SPIRE1: variants seen among roughly 807,000 people sequenced by gnomAD.
SPIRE1 encodes the protein spire type actin nucleation factor 1.
SPIRE1 carries 40 observed loss-of-function variants against 94.1 expected under a neutral mutation model. The ratio of observed to expected loss-of-function variants is 0.43; its 90% CI spans 0.33 to 0.55. The LOEUF is 0.55. Ranked by LOEUF, SPIRE1 falls within the 20% of genes least tolerant of loss-of-function variation. The probability of loss-of-function intolerance (pLI) is 0.06; values close to 1 mark genes in which losing one functional copy is unlikely to be tolerated. For synonymous variants in SPIRE1, 376 were observed against 371.7 expected, an observed-to-expected ratio of 1.01 and a Z score of -0.13; for missense variants, 838 against 975.2, an observed-to-expected ratio of 0.86 and a Z score of 1.87.
At chr18:12,643,740 T>C (rs1044246634) in intron 1 of SPIRE1, among the ~76,000 whole-genome samples, 3 of 152,210 alleles carry the variant, frequency 2.0e-5, no homozygotes, top group Admixed American at 6.5e-5. Flanking sequence ...TAACCTTTAC[T>C]ATAAACATTT....
chr18:12,601,138 T>C (rs2144638626), intron 2 of SPIRE1, among the ~76,000 whole-genome samples: 1 of 151,994 alleles, frequency 6.6e-6, no homozygotes, highest in African/African-American at 2.4e-5. Context: ...ACTGCTTTAT[T>C]GGCTGGGTGC....
Position 12,458,677 on chromosome 18 carries a change from T to C in SPIRE1, c.1639-4194A>G, listed in dbSNP as rs377353856. On this transcript the variant is annotated intron_variant, in intron 12 of 16. Transcript: ENST00000409402. ...TCCTTTCTTTGCCTAAAGTGGTATA[T>C]GGCCTTAGTGTTCAGATATCTCTGT... is the stretch of plus-strand genomic sequence containing the variant. Among the ~76,000 whole-genome samples the C allele has an allele frequency of 3.3e-5, 5 of 152,282 alleles. No homozygotes were observed. In the South Asian group the frequency reaches 6.2e-4, roughly 19 times the overall value.
At chr18:12,621,855 A>G (rs1487578222) in intron 2 of SPIRE1, among the ~76,000 whole-genome samples, 2 of 152,188 alleles carry the variant, frequency 1.3e-5, no homozygotes, top group African/African-American at 4.8e-5. Flanking sequence ...TAAAAAAATT[A>G]TTTTTAAAAA....
chr18:12,626,867 AAT>A (rs1555634098), intron 2 of SPIRE1, among the ~76,000 whole-genome samples: 42 of 110,456 alleles, frequency 3.8e-4, no homozygotes, highest in African/African-American at 1.2e-3. Context: ...TAAGCTGTAA[AAT>A]ATATATATAT....
At chr18:12,585,982 G>A (rs1023466379) in intron 2 of SPIRE1, among the ~76,000 whole-genome samples, 1 of 152,122 alleles carries the variant, frequency 6.6e-6, no homozygotes, top group Non-Finnish European at 1.5e-5. Context: ...ACAGGGTCTT[G>A]CTCTGTCACC....
rs771441153 is a variant in SPIRE1 at position 12,449,779 on chromosome 18, C to A, written c.2130G>T (p.Ser710=). The A allele has an allele frequency of 1.9e-6, 3 of 1,614,126 alleles. No individual in the cohort carries two copies. Among genetic ancestry groups the A allele is most frequent in the Middle Eastern group, 1.6e-4 (1 of 6,062 alleles). ...TGCGCCGGCTTGAACTGATGATTTC[C>A]GAAATGAACTTCTTGCAGTCCACAC... The part of the protein sequence containing the change: ...EVCVDCKKFI[S]EIISSSRRSL... Residue 710 remains serine, a synonymous_variant, in exon 17 of 17, where the codon TCG becomes TCT. Coordinates refer to ENST00000409402, the MANE Select transcript of SPIRE1 (RefSeq NM_001128626.2).
intron 2 of SPIRE1, among the ~76,000 whole-genome samples, chr18:12,607,538 G>C (rs1833920371): frequency 2.7e-5 from 4 of 150,778 alleles, no homozygotes; most frequent in African/African-American, 9.8e-5. Flanking sequence ...AGTCATTCAT[G>C]ACTAATAAGA....
chr18:12,637,829 A>G (rs2144834378), intron 1 of SPIRE1, among the ~76,000 whole-genome samples: 1 of 152,368 alleles, frequency 6.6e-6, no homozygotes, highest in South Asian at 2.1e-4. Context: ...GCTTAAAAAC[A>G]ATGATAGAGG....
At chr18:12,464,466 A>G (rs1038042691) in intron 11 of SPIRE1, among the ~76,000 whole-genome samples, 18 of 152,006 alleles carry the variant, frequency 1.2e-4, no homozygotes, top group African/African-American at 4.1e-4. Context: ...AAGAGTTATA[A>G]AGGTGTTTTC....
chr18:12,585,736 G>A (rs1474351841), intron 2 of SPIRE1, among the ~76,000 whole-genome samples: 2 of 152,082 alleles, frequency 1.3e-5, no homozygotes, highest in African/African-American at 4.8e-5. Flanking sequence ...AAGGTATGTT[G>A]CAAAATGCTA....
chr18:12,589,867 G>C (rs1440348011), intron 2 of SPIRE1, among the ~76,000 whole-genome samples: 1 of 152,146 alleles, frequency 6.6e-6, no homozygotes, highest in Non-Finnish European at 1.5e-5. Context: ...CTACAGCATA[G>C]TTTAATGCAA....
intron 1 of SPIRE1, among the ~76,000 whole-genome samples, chr18:12,640,018 G>A (rs1438564771): frequency 1.3e-5 from 2 of 152,066 alleles, no homozygotes; most frequent in South Asian, 2.1e-4. Context: ...CATAACTAAG[G>A]CAACACTGTC....
intron 10 of SPIRE1, among the ~76,000 whole-genome samples, chr18:12,473,382 T>C (rs1248842095): frequency 6.6e-6 from 1 of 152,002 alleles, no homozygotes; most frequent in East Asian, 1.9e-4. Context: ...TTAATAATGG[T>C]AGAAAACTGG....
chr18:12,638,776 G>C (rs767163997), intron 1 of SPIRE1, among the ~76,000 whole-genome samples: 3 of 152,090 alleles, frequency 2.0e-5, no homozygotes, highest in Non-Finnish European at 2.9e-5. Context: ...GTTATCATGA[G>C]ATCTGGTTGT....
chr18:12,522,605 G>A (rs964941518), intron 4 of SPIRE1, among the ~76,000 whole-genome samples: 2 of 152,206 alleles, frequency 1.3e-5, no homozygotes, highest in Non-Finnish European at 2.9e-5. Flanking sequence ...TAGCTAGAGA[G>A]AAATCAGTGC....
At chr18:12,522,577 T>C (rs2034392766) in intron 4 of SPIRE1, among the ~76,000 whole-genome samples, 1 of 152,212 alleles carries the variant, frequency 6.6e-6, no homozygotes, top group Non-Finnish European at 1.5e-5. Flanking sequence ...TGGAAGAAGA[T>C]ACCATCTGGG....
intron 2 of SPIRE1, among the ~76,000 whole-genome samples, chr18:12,549,058 TC>T (rs1203377966): frequency 6.6e-6 from 1 of 152,174 alleles, no homozygotes; most frequent in East Asian, 1.9e-4. Flanking sequence ...TTTCAGTGCT[TC>T]CCTGGCACAG....
At chr18:12,661,046 G>A (rs1167491118), upstream of SPIRE1, among the ~76,000 whole-genome samples, 1 of 152,078 alleles carries the variant, frequency 6.6e-6, no homozygotes, top group African/African-American at 2.4e-5. Flanking sequence ...GGTGGCTCAC[G>A]CCTGTAATCC....
intron 2 of SPIRE1, among the ~76,000 whole-genome samples, chr18:12,601,360 T>C (rs1352496053): frequency 6.7e-6 from 1 of 150,016 alleles, no homozygotes; most frequent in African/African-American, 2.5e-5. Context: ...GAGGTGGAGG[T>C]TGCAGTGAGC....
Sources: allele counts gnomAD v4.1 joint callset (sites outside exome capture counted in the v4.1 genomes callset), GRCh38; gene constraint gnomAD v4.1.1; transcripts MANE v1.5; gene names NCBI Gene and HGNC (gene_info 2026-07-23, HGNC 2026-07-21).